Variants in TRANK1 observed in about 807,000 individuals in gnomAD.
TRANK1 encodes the protein tetratricopeptide repeat and ankyrin repeat containing 1.
In TRANK1, 198 loss-of-function variants were observed where a neutral mutation model predicts 266.0. The ratio of observed to expected loss-of-function variants is 0.74; its 90% CI spans 0.66 to 0.84. The LOEUF (loss-of-function observed/expected upper bound fraction) is 0.84, where lower values mean the gene tolerates loss of function less well. Among genes scored for constraint, TRANK1 ranks in the 40% least tolerant of loss-of-function variants. The pLI is 0.00. For synonymous variants in TRANK1, 1,396 were observed against 1,384.1 expected (o/e 1.01, Z -0.19); for missense variants, 3,326 against 3,634.6 (o/e 0.92, Z 2.18).
At chr3:36,921,075 T>A (rs1380015313) in intron 1 of TRANK1, among the ~76,000 whole-genome samples, 1 of 152,224 alleles carries the variant, frequency 6.6e-6, no homozygotes, top group African/African-American at 2.4e-5. Flanking sequence ...CCTGGTTACC[T>A]GCTTTGACCT....
chr3:36,851,696 G>A lies in TRANK1; in HGVS notation c.4887+23C>T, dbSNP rs749280436. ...GCTCATACATAAATATTCATTGTGT[G>A]AAAAGAATTAGGTGTGACATACCTC... On this transcript the variant is annotated intron_variant, in intron 15 of 23. Coordinates refer to ENST00000645898, the MANE Select transcript of TRANK1 (RefSeq NM_001329998.2). 2.5e-6 allele frequency: 4 copies of A among 1,596,638 alleles called. No individual in the cohort carries two copies. The South Asian group carries it at 4.6e-5, about 18-fold the overall frequency.
At chr3:36,910,379 T>TA (rs1296704968) in intron 1 of TRANK1, among the ~76,000 whole-genome samples, 1 of 152,326 alleles carries the variant, frequency 6.6e-6, no homozygotes, top group East Asian at 1.9e-4. Flanking sequence ...AAATGTTCCA[T>TA]AATATATAAT....
intron 1 of TRANK1, among the ~76,000 whole-genome samples, chr3:36,932,215 C>T (rs189517366): frequency 6.6e-6 from 1 of 152,176 alleles, no homozygotes; most frequent in Non-Finnish European, 1.5e-5. Context: ...CATGGTTATG[C>T]GTAGAGATTC....
chr3:36,830,724 G>A (rs1028088391), intron 22 of TRANK1, 149 bp downstream of exon 22: 2 of 925,914 alleles, frequency 2.2e-6, no homozygotes, highest in South Asian at 2.0e-5. Flanking sequence ...GCTATAACTT[G>A]AGAATATATA....
intron 1 of TRANK1, among the ~76,000 whole-genome samples, chr3:36,921,451 C>T (rs1326615945): frequency 6.6e-6 from 1 of 152,212 alleles, no homozygotes; most frequent in African/African-American, 2.4e-5. Flanking sequence ...GTAACATTCT[C>T]ACAGAATCAG....
chr3:36,864,340 G>C lies in TRANK1; in HGVS notation c.1219C>G (p.Arg407Gly). ...TTACCTTGCAGAGTAGAAAGGAGAC[G>C]CAAGAACCTCTGAACTACTTCCTGC... Reference protein sequence around the residue: ...LKQEVVQRFLRLLSTLQEIPP... With the variant: ...LKQEVVQRFLGLLSTLQEIPP... The change falls in exon 10 of 24, where the codon CGT becomes GGT. Residue 407 changes from arginine to glycine, a missense_variant. Transcript: ENST00000645898. The C allele has an allele frequency of 6.5e-7, 1 of 1,533,386 alleles. No individual in the cohort carries two copies. Among genetic ancestry groups the C allele is most frequent in the Non-Finnish European group, 8.7e-7 (1 of 1,145,380 alleles). The allele number at this position is 1,533,386 out of a possible 1,614,324, so 95.0% of individuals were successfully genotyped here. A position where few individuals can be genotyped will look rare whatever the true frequency, so the allele number is the denominator to read the frequency against.
At chr3:36,920,412 C>T (rs947810957) in intron 1 of TRANK1, among the ~76,000 whole-genome samples, 2 of 152,134 alleles carry the variant, frequency 1.3e-5, no homozygotes, top group African/African-American at 4.8e-5. Context: ...CTGACTCCAC[C>T]CTTACTTCCT....
At chr3:36,895,902 G>A in intron 4 of TRANK1, 144 bp from the exon 5 acceptor site, 1 of 564,144 alleles carries the variant, frequency 1.8e-6, no homozygotes, top group Non-Finnish European at 3.1e-6. Flanking sequence ...GTAGTATGAA[G>A]TCCTTTATAA....
rs891357077 is a variant in TRANK1 at position 36,892,868 on chromosome 3, T to TATATAG, written c.636+32_636+33insCTATAT. 7.4e-6 allele frequency: 5 copies of TATATAG among 673,402 alleles called. No homozygotes were observed. In the African/African-American group the frequency reaches 9.9e-5, roughly 13 times the overall value. The allele number at this position is 673,402 out of a possible 1,614,324, so 41.7% of individuals were successfully genotyped here. ...AAAACAAAACATATATATATATATA[T>TATATAG]ATAGATATATATAGATATATATATC... On this transcript the variant is annotated intron_variant, in intron 6 of 23. Transcript: ENST00000645898.
Position 36,845,318 on chromosome 3 carries a change from T to C in TRANK1, c.5191+930A>G, listed in dbSNP as rs991839945. Reference sequence around the variant, plus strand: ...GATTAATTCCTTACTATCTGAACTATCGGTTCTTACTATCTGAACTAAGAG... The same window carrying C: ...GATTAATTCCTTACTATCTGAACTACCGGTTCTTACTATCTGAACTAAGAG... On this transcript the variant is annotated intron_variant, in intron 17 of 23. Coordinates refer to ENST00000645898, the MANE Select transcript of TRANK1 (RefSeq NM_001329998.2). Among the ~76,000 whole-genome samples, 3 of 152,218 alleles carry C rather than the reference T, an allele frequency of 2.0e-5. No homozygotes were observed. In the East Asian group the frequency reaches 5.8e-4, roughly 29 times the overall value.
intron 22 of TRANK1, 100 bp downstream of exon 22, chr3:36,830,772 CA>C: frequency 2.3e-6 from 3 of 1,307,082 alleles, no homozygotes; most frequent in Non-Finnish European, 3.1e-6. Flanking sequence ...AAGATTCCAC[CA>C]TCCCCAAGTC....
chr3:36,861,646 A>G (rs2079143675), intron 10 of TRANK1, among the ~76,000 whole-genome samples: 2 of 152,112 alleles, frequency 1.3e-5, no homozygotes, highest in South Asian at 2.1e-4. Flanking sequence ...TTTGATGTCT[A>G]AAGACAGGAT....
intron 12 of TRANK1, among the ~76,000 whole-genome samples, chr3:36,858,360 C>T (rs1019636258): frequency 1.4e-4 from 22 of 152,210 alleles, no homozygotes; most frequent in African/African-American, 5.3e-4. Context: ...CAACAAAGAA[C>T]TACCCAGCCC....
chr3:36,935,399 C>T (rs1447103381), intron 1 of TRANK1, among the ~76,000 whole-genome samples: 1 of 151,376 alleles, frequency 6.6e-6, no homozygotes, highest in Non-Finnish European at 1.5e-5. Flanking sequence ...AGCTCTGTGC[C>T]AGACACTAAT....
chr3:36,893,605 T>C (rs1413697959), intron 5 of TRANK1, among the ~76,000 whole-genome samples: 1 of 152,194 alleles, frequency 6.6e-6, no homozygotes, highest in East Asian at 1.9e-4. Context: ...GAGACCCAGT[T>C]GTTAAACTAC....
intron 10 of TRANK1, among the ~76,000 whole-genome samples, chr3:36,862,352 G>GAATATTCATTTTAATATTTAA (rs1028910127): frequency 3.3e-4 from 50 of 152,122 alleles, no homozygotes; most frequent in Non-Finnish European, 6.8e-4. Context: ...TTCTTAAAAT[G>GAATATTCATTTTAATATTTAA]AATATTCATT....
Position 36,838,496 on chromosome 3 carries a change from T to C in TRANK1, c.5393A>G (p.Gln1798Arg), listed in dbSNP as rs764254941. The C allele has an allele frequency of 6.2e-7, 1 of 1,614,090 alleles. No homozygotes were observed. The highest frequency in any genetic ancestry group is 8.5e-7 in the Non-Finnish European group (1 of 1,179,908). ...CTTAGCCAATTCCAAATATTCCAAC[T>C]GCTTTTCCCTAGGGGAAGGAAAACA... ...KSKKVSPKEK[Q>R]LEYLELAKTY... Residue 1798 changes from glutamine to arginine, a missense_variant, in exon 20 of 24, where the codon CAG becomes CGG. Coordinates refer to ENST00000645898, the MANE Select transcript of TRANK1 (RefSeq NM_001329998.2).
chr3:36,874,034 A>G (rs2079349527), intron 9 of TRANK1, 92 bp downstream of exon 9: 2 of 1,174,950 alleles, frequency 1.7e-6, no homozygotes, highest in South Asian at 1.6e-5. Flanking sequence ...GTGTGTATAT[A>G]TATATATACC....
chr3:36,850,847 C>T, intron 15 of TRANK1: 1 of 985,400 alleles, frequency 1.0e-6, no homozygotes, highest in Non-Finnish European at 1.2e-6. Flanking sequence ...TTAAAGCCAA[C>T]AGTGCTCTTG....
Sources: gnomAD v4.1 joint callset for allele counts (sites outside exome capture counted in the v4.1 genomes callset) on GRCh38, gnomAD v4.1.1 for gene constraint, MANE v1.5 for transcripts, NCBI Gene and HGNC (gene_info 2026-07-23, HGNC 2026-07-21) for gene names.